SHC3: variants seen among roughly 807,000 people sequenced by gnomAD.
SHC3 encodes the protein SHC adaptor protein 3, also known as SHC-transforming protein 3.
SHC3 carries 15 observed loss-of-function variants against 60.4 expected under a neutral mutation model. The observed-to-expected ratio is 0.25, with a 90% CI of 0.17 to 0.38. SHC3 has a LOEUF of 0.38. Among genes scored for constraint, SHC3 ranks in the 10% least tolerant of loss-of-function variants. The probability of loss-of-function intolerance (pLI) is 1.00; values close to 1 mark genes in which losing one functional copy is unlikely to be tolerated. For missense variants in SHC3, 677 were observed against 786.1 expected, an observed-to-expected ratio of 0.86 and a Z score of 1.66; for synonymous variants, 294 against 325.9, an observed-to-expected ratio of 0.90 and a Z score of 1.05.
chr9:89,171,952 G>A (rs1826874888), intron 1 of SHC3, among the ~76,000 whole-genome samples: 1 of 152,192 alleles, frequency 6.6e-6, no homozygotes, highest in Non-Finnish European at 1.5e-5. Flanking sequence ...GCTGCCACCT[G>A]CCTCAAAAAG....
At chr9:89,177,234 T>C (rs1826953729) in intron 1 of SHC3, among the ~76,000 whole-genome samples, 2 of 152,236 alleles carry the variant, frequency 1.3e-5, no homozygotes, top group Non-Finnish European at 2.9e-5. Context: ...TTTTATTGAC[T>C]ACATCGTGAT....
intron 6 of SHC3, among the ~76,000 whole-genome samples, chr9:89,057,822 C>T (rs1824980796): frequency 6.6e-6 from 1 of 152,126 alleles, no homozygotes; most frequent in South Asian, 2.1e-4. Flanking sequence ...GCCCCCTGAC[C>T]ATCTGGAACC....
chr9:89,077,903 C>G lies in SHC3; in HGVS notation c.546G>C (p.Arg182Ser). The change falls in exon 3 of 12, where the codon AGG becomes AGC. Residue 182 changes from arginine (R) to serine (S), a missense_variant and splice_region_variant. By Grantham distance (110) the Arg-to-Ser change is moderately radical. Transcript: ENST00000375835. ...LDFSTRTQIT[R>S]EAISRVCEAV... is the part of the protein sequence containing the mutation. Reference sequence around the variant, plus strand: ...CTTCACAGACGCGGCTGATGGCTTCCCTTAGGACAGGAAGAAAAAGCAATT... The same window carrying G: ...CTTCACAGACGCGGCTGATGGCTTCGCTTAGGACAGGAAGAAAAAGCAATT... 6.2e-7 allele frequency: 1 copy of G among 1,614,180 alleles called. No individual in the cohort carries two copies. The highest frequency in any genetic ancestry group is 8.5e-7 in the Non-Finnish European group (1 of 1,180,026).
chr9:89,156,525 A>T (rs780894689), intron 1 of SHC3, among the ~76,000 whole-genome samples: 3 of 152,150 alleles, frequency 2.0e-5, no homozygotes, highest in Non-Finnish European at 4.4e-5. Flanking sequence ...CAGTCACTTA[A>T]CTAGTCCTAA....
At chr9:89,100,805 C>T (rs562186360) in intron 2 of SHC3, among the ~76,000 whole-genome samples, 3 of 152,282 alleles carry the variant, frequency 2.0e-5, no homozygotes, top group East Asian at 3.9e-4. Context: ...CATTGTTGTA[C>T]ATATTACCTG....
At chr9:89,097,588 T>C (rs890643965) in intron 2 of SHC3, among the ~76,000 whole-genome samples, 5 of 152,228 alleles carry the variant, frequency 3.3e-5, no homozygotes, top group African/African-American at 1.2e-4. Flanking sequence ...GCTGGTGCTC[T>C]TAGCAGCTTG....
At chr9:89,146,261 G>A (rs1339930103) in intron 1 of SHC3, among the ~76,000 whole-genome samples, 3 of 152,034 alleles carry the variant, frequency 2.0e-5, no homozygotes, top group Non-Finnish European at 2.9e-5. Flanking sequence ...GTGGGCTGAG[G>A]CAGGAGACTC....
At chr9:89,068,680 A>G (rs1203222600) in intron 5 of SHC3, among the ~76,000 whole-genome samples, 1 of 151,720 alleles carries the variant, frequency 6.6e-6, no homozygotes, top group Non-Finnish European at 1.5e-5. Context: ...AAAAAAAATA[A>G]GATGTGATGA....
At chr9:89,066,620 G>A (rs752875025) in intron 5 of SHC3, among the ~76,000 whole-genome samples, 27 of 152,078 alleles carry the variant, frequency 1.8e-4, no homozygotes, top group Non-Finnish European at 2.6e-4. Flanking sequence ...TGGTATTTTC[G>A]GCATTCAAGA....
intron 11 of SHC3, among the ~76,000 whole-genome samples, chr9:89,027,558 C>T (rs867898691): frequency 4.0e-4 from 60 of 150,368 alleles, no homozygotes; most frequent in African/African-American, 1.2e-3. Context: ...CCTCGTGATC[C>T]GCCCGCCTAG....
At chr9:89,142,547 G>A (rs1256091030) in intron 1 of SHC3, among the ~76,000 whole-genome samples, 2 of 152,036 alleles carry the variant, frequency 1.3e-5, no homozygotes, top group Admixed American at 6.6e-5. Flanking sequence ...GCCAGGTGTG[G>A]TGGTGGGTGC....
chr9:89,092,430 A>T (rs1343040541), intron 2 of SHC3, among the ~76,000 whole-genome samples: 1 of 152,100 alleles, frequency 6.6e-6, no homozygotes, highest in East Asian at 1.9e-4. Flanking sequence ...ATCCTGGCTA[A>T]CACGGTGAAA....
At chr9:89,138,885 G>T (rs10780224) in intron 1 of SHC3, among the ~76,000 whole-genome samples, 1 of 152,090 alleles carries the variant, frequency 6.6e-6, no homozygotes, top group African/African-American at 2.4e-5. Flanking sequence ...TAGTAAGGGT[G>T]ATTCATGACT....
intron 1 of SHC3, among the ~76,000 whole-genome samples, chr9:89,129,825 A>G (rs538935233): frequency 6.6e-6 from 1 of 152,170 alleles, no homozygotes; most frequent in Non-Finnish European, 1.5e-5. Context: ...AAAGACCATC[A>G]ATGATAGGAA....
At chr9:89,092,586 A>G (rs1825639751) in intron 2 of SHC3, among the ~76,000 whole-genome samples, 1 of 147,084 alleles carries the variant, frequency 6.8e-6, no homozygotes, top group Admixed American at 6.9e-5. Flanking sequence ...ACTGCACTCC[A>G]GCCTGGGCAA....
intron 1 of SHC3, among the ~76,000 whole-genome samples, chr9:89,160,846 G>T (rs138428782): frequency 6.6e-6 from 1 of 152,236 alleles, no homozygotes; most frequent in East Asian, 1.9e-4. Context: ...GGTGGGCTGT[G>T]GCATACATAG....
At chr9:89,150,766 C>T (rs962363793) in intron 1 of SHC3, among the ~76,000 whole-genome samples, 1 of 152,150 alleles carries the variant, frequency 6.6e-6, no homozygotes, top group African/African-American at 2.4e-5. Context: ...CTGTATTTAA[C>T]TTGAGGAGCT....
chr9:89,097,106 GAAAAAAAAAA>G (rs10523898), intron 2 of SHC3, among the ~76,000 whole-genome samples: 2 of 81,096 alleles, frequency 2.5e-5, no homozygotes, highest in African/African-American at 4.9e-5. Context: ...TCGCTCTCAT[GAAAAAAAAAA>G]AAAAAAAAAA....
intron 1 of SHC3, among the ~76,000 whole-genome samples, chr9:89,149,150 A>T (rs1386567104): frequency 6.6e-6 from 1 of 152,178 alleles, no homozygotes; most frequent in African/African-American, 2.4e-5. Flanking sequence ...TGCATTCTAA[A>T]CAATGACTAG....
Sources: allele counts gnomAD v4.1 joint callset (sites outside exome capture counted in the v4.1 genomes callset), GRCh38; gene constraint gnomAD v4.1.1; transcripts MANE v1.5; gene names NCBI Gene and HGNC (gene_info 2026-07-23, HGNC 2026-07-21).